DPP10: variants seen among roughly 807,000 people sequenced by gnomAD.
The protein encoded by DPP10 is inactive dipeptidyl peptidase 10.
Under a neutral mutation model 120.9 loss-of-function variants are expected in DPP10, and 33 were observed. The observed-to-expected ratio is 0.27, with a 90% CI of 0.21 to 0.37. The LOEUF is 0.37. Among genes scored for constraint, DPP10 ranks in the 10% least tolerant of loss-of-function variants. The probability of loss-of-function intolerance (pLI) is 1.00; values close to 1 mark genes in which losing one functional copy is unlikely to be tolerated. For synonymous variants in DPP10, 337 were observed against 326.1 expected, an observed-to-expected ratio of 1.03 and a Z score of -0.36; for missense variants, 816 against 942.8, an observed-to-expected ratio of 0.87 and a Z score of 1.76.
intron 13 of DPP10, among the ~76,000 whole-genome samples, chr2:115,771,632 C>G (rs995863683): frequency 1.3e-5 from 2 of 151,854 alleles, no homozygotes; most frequent in Non-Finnish European, 2.9e-5. Flanking sequence ...GTAATGCATG[C>G]CAGCATTGAT....
intron 1 of DPP10, among the ~76,000 whole-genome samples, chr2:114,942,908 T>C (rs1383811125): frequency 2.0e-5 from 3 of 152,150 alleles, no homozygotes; most frequent in Admixed American, 6.5e-5. Flanking sequence ...GTTTTTCTTT[T>C]GTTTATTATG....
chr2:115,553,127 A>G (rs1026985117), intron 5 of DPP10, among the ~76,000 whole-genome samples: 24 of 152,112 alleles, frequency 1.6e-4, no homozygotes, highest in Non-Finnish European at 2.8e-4. Context: ...GACCATTTCA[A>G]TGTACACTCT....
intron 3 of DPP10, among the ~76,000 whole-genome samples, chr2:115,428,586 C>T (rs1406471813): frequency 2.0e-5 from 3 of 152,016 alleles, no homozygotes; most frequent in Non-Finnish European, 2.9e-5. Flanking sequence ...TTTTAAACAA[C>T]CAGATCTTGC....
chr2:115,836,720 T>C lies in DPP10; in HGVS notation c.2156T>C (p.Ile719Thr), dbSNP rs755087716. ...HNVHGLKEEN[I>T]LIIHGTADTK... ...GTTCATGGCTTGAAAGAAGAAAATA[T>C]ATTAATAATTCATGGAACTGCTGAC... The change falls in exon 24 of 26, where the codon ATA becomes ACA. Residue 719 changes from isoleucine to threonine, a missense_variant. By Grantham distance (89) the Ile-to-Thr change is moderately conservative. Coordinates refer to ENST00000410059, the MANE Select transcript of DPP10 (RefSeq NM_020868.6). The C allele has an allele frequency of 5.0e-6, 8 of 1,613,144 alleles. No individual in the cohort carries two copies. In the Admixed American group the frequency reaches 1.2e-4, roughly 24 times the overall value.
At position 115,178,117 on chromosome 2, in the gene DPP10, A is replaced by G. The variant is rs79522335; in HGVS notation, c.61-131122A>G. 3.8e-3 allele frequency among the ~76,000 whole-genome samples: 572 copies of G among 152,144 alleles called. 17 individuals carry two copies. The East Asian group carries it at 0.082, about 22-fold the overall frequency. On this transcript the variant is annotated intron_variant, in intron 1 of 25. Transcript: ENST00000410059. The stretch of plus-strand genomic sequence containing the variant: ...TTTAAAAAATGTTCCTCCTTTTTTC[A>G]TGATGAATTAGATATTATGTGCCTC...
chr2:115,793,173 G>T (rs1017503419), intron 19 of DPP10, among the ~76,000 whole-genome samples: 2 of 151,894 alleles, frequency 1.3e-5, no homozygotes, highest in African/African-American at 2.4e-5. Flanking sequence ...GGCACTTGGG[G>T]TTTTTTTTGA....
At chr2:115,587,320 G>A (rs1575255908) in intron 5 of DPP10, among the ~76,000 whole-genome samples, 1 of 151,584 alleles carries the variant, frequency 6.6e-6, no homozygotes, top group Non-Finnish European at 1.5e-5. Context: ...GGGTGGTCTC[G>A]ATCTCCTGAC....
intron 3 of DPP10, among the ~76,000 whole-genome samples, chr2:115,369,545 A>G (rs1190406792): frequency 6.6e-6 from 1 of 152,094 alleles, no homozygotes; most frequent in African/African-American, 2.4e-5. Flanking sequence ...TAAGGGTGAG[A>G]TAAAGCTGTG....
At chr2:114,527,893 AAAG>A (rs1685636813) in intron 1 of DPP10, among the ~76,000 whole-genome samples, 1 of 152,200 alleles carries the variant, frequency 6.6e-6, no homozygotes, top group Non-Finnish European at 1.5e-5. Context: ...TGAACATAGA[AAAG>A]AAATAGTCAA....
intron 1 of DPP10, among the ~76,000 whole-genome samples, chr2:114,471,226 A>T (rs900014436): frequency 6.6e-6 from 1 of 152,204 alleles, no homozygotes; most frequent in Admixed American, 6.6e-5. Flanking sequence ...TTATATTGTT[A>T]CTGCCTTACC....
chr2:114,449,797 T>A (rs2104531914), intron 1 of DPP10, among the ~76,000 whole-genome samples: 1 of 152,310 alleles, frequency 6.6e-6, no homozygotes, highest in South Asian at 2.1e-4. Context: ...AGTTGTATAG[T>A]GAGAATCAAT....
intron 5 of DPP10, among the ~76,000 whole-genome samples, chr2:115,653,136 C>T (rs2087956653): frequency 6.6e-6 from 1 of 151,634 alleles, no homozygotes; most frequent in Admixed American, 6.6e-5. Flanking sequence ...GGTGGATATA[C>T]AAAATTTAAA....
At chr2:114,577,218 C>A (rs1475970591) in intron 1 of DPP10, among the ~76,000 whole-genome samples, 1 of 152,210 alleles carries the variant, frequency 6.6e-6, no homozygotes, top group African/African-American at 2.4e-5. Flanking sequence ...CACCTCACAG[C>A]AACCTTGCGA....
chr2:115,182,502 A>G (rs989442397), intron 1 of DPP10, among the ~76,000 whole-genome samples: 1 of 152,222 alleles, frequency 6.6e-6, no homozygotes, highest in Non-Finnish European at 1.5e-5. Flanking sequence ...GGAATATAAT[A>G]TAATTCTCTA....
At chr2:115,762,802 T>G (rs573615189) in intron 12 of DPP10, among the ~76,000 whole-genome samples, 192 bp downstream of exon 12, 3 of 152,250 alleles carry the variant, frequency 2.0e-5, no homozygotes, top group South Asian at 2.1e-4. Flanking sequence ...GTTACTTCCA[T>G]TTTTTTAGGA....
At chr2:114,989,285 A>T (rs904644598) in intron 1 of DPP10, among the ~76,000 whole-genome samples, 3 of 152,124 alleles carry the variant, frequency 2.0e-5, no homozygotes, top group Non-Finnish European at 4.4e-5. Flanking sequence ...ATATTTTATG[A>T]ATTTATTTAC....
intron 1 of DPP10, among the ~76,000 whole-genome samples, chr2:114,446,672 A>C (rs963749208): frequency 6.6e-6 from 1 of 152,190 alleles, no homozygotes; most frequent in Non-Finnish European, 1.5e-5. Flanking sequence ...ACTATACTTA[A>C]ACGAATCTTT....
intron 3 of DPP10, among the ~76,000 whole-genome samples, chr2:115,380,098 T>G (rs887415262): frequency 6.6e-5 from 10 of 152,118 alleles, no homozygotes; most frequent in Admixed American, 1.3e-4. Context: ...TTCAATTCCT[T>G]GGTATCCTTG....
chr2:115,064,820 C>T, intron 1 of DPP10: 1 of 1,303,978 alleles, frequency 7.7e-7, no homozygotes, highest in Non-Finnish European at 1.0e-6. Context: ...GTGGATGCTA[C>T]CTAGGTTTGT....
Sources: allele counts gnomAD v4.1 joint callset (sites outside exome capture counted in the v4.1 genomes callset), GRCh38; gene constraint gnomAD v4.1.1; transcripts MANE v1.5; gene names NCBI Gene and HGNC (gene_info 2026-07-23, HGNC 2026-07-21).